The following MACROD2 variants were observed in gnomAD, a reference collection of about 807,000 sequenced individuals.
The protein encoded by MACROD2 is mono-ADP ribosylhydrolase 2, also known as ADP-ribose glycohydrolase MACROD2.
In MACROD2, 36 loss-of-function variants were observed where a neutral mutation model predicts 70.4. The ratio of observed to expected loss-of-function variants is 0.51; its 90% CI spans 0.39 to 0.68. The LOEUF (loss-of-function observed/expected upper bound fraction) is 0.68. MACROD2 is among the 30% of genes least tolerant of loss of function. The pLI, the probability that MACROD2 is intolerant of heterozygous loss-of-function variation, is 0.00. For missense variants in MACROD2, 496 were observed against 538.4 expected (o/e 0.92, Z 0.78); for synonymous variants, 172 against 178.8 (o/e 0.96, Z 0.30).
At chr20:15,435,973 C>T (rs1022148981) in intron 7 of MACROD2, among the ~76,000 whole-genome samples, 2 of 152,074 alleles carry the variant, frequency 1.3e-5, no homozygotes, top group Non-Finnish European at 2.9e-5. Context: ...GTCTCTTTCT[C>T]CTCTGTTTTT....
chr20:14,687,055 G>C (rs1376084353), intron 5 of MACROD2, among the ~76,000 whole-genome samples: 1 of 152,010 alleles, frequency 6.6e-6, no homozygotes, highest in East Asian at 1.9e-4. Context: ...ACAAATATTG[G>C]TTCTTTTGCT....
chr20:14,145,860 T>C (rs1198976753), intron 3 of MACROD2, among the ~76,000 whole-genome samples: 1 of 152,206 alleles, frequency 6.6e-6, no homozygotes, highest in African/African-American at 2.4e-5. Context: ...ATTTGAACAG[T>C]TAATTAAAAT....
intron 5 of MACROD2, among the ~76,000 whole-genome samples, chr20:15,125,762 G>T (rs1012752540): frequency 2.6e-5 from 4 of 151,648 alleles, no homozygotes; most frequent in Non-Finnish European, 5.9e-5. Flanking sequence ...ACATTAAAAA[G>T]GTTATGAAAC....
intron 4 of MACROD2, among the ~76,000 whole-genome samples, chr20:14,635,085 G>T (rs2123479889): frequency 6.6e-6 from 1 of 152,302 alleles, no homozygotes; most frequent in Non-Finnish European, 1.5e-5. Flanking sequence ...TCTTCAAGGA[G>T]CGGTGTCCCT....
chr20:15,924,766 A>G (rs2065464170), intron 10 of MACROD2, among the ~76,000 whole-genome samples: 1 of 152,184 alleles, frequency 6.6e-6, no homozygotes, highest in South Asian at 2.1e-4. Flanking sequence ...ACATCTTTAT[A>G]TACTTTCCAT....
chr20:15,451,680 C>T lies in MACROD2; in HGVS notation c.571+20245C>T, dbSNP rs115841780. 5.4e-3 allele frequency among the ~76,000 whole-genome samples: 817 copies of T among 152,214 alleles called. 8 individuals are homozygous for T. Among genetic ancestry groups the T allele is most frequent in the African/African-American group, 0.019 (782 of 41,556 alleles). ...TGGCTGCAGCAAGGGGCACCCTACA[C>T]AGCAGGAAAGAAAAATGAGGCCTCA... On this transcript the variant is annotated intron_variant, in intron 7 of 17. Transcript: ENST00000684519.
In MACROD2 at chr20:15,149,619, G is replaced by C. The variant is rs1302692092; in HGVS notation, c.419-80321G>C. Among the ~76,000 whole-genome samples the C allele has an allele frequency of 6.6e-5, 10 of 152,106 alleles. No individual in the cohort carries two copies. In the East Asian group the frequency reaches 1.9e-3, roughly 29 times the overall value. ...GTGAGGAAGAAAATAGATTTTGGAA[G>C]TTATGAGAGCTGTAGAGAGTGAGTT... On this transcript the variant is annotated intron_variant, in intron 5 of 17. Transcript: ENST00000684519.
intron 6 of MACROD2, among the ~76,000 whole-genome samples, chr20:15,368,580 G>T (rs948551678): frequency 2.6e-5 from 4 of 151,086 alleles, no homozygotes; most frequent in Non-Finnish European, 1.5e-5. Context: ...TCCTGCCTTA[G>T]CCTCCGGAGT....
At chr20:14,959,368 G>T (rs1440766644) in intron 5 of MACROD2, among the ~76,000 whole-genome samples, 1 of 152,058 alleles carries the variant, frequency 6.6e-6, no homozygotes, top group Non-Finnish European at 1.5e-5. Context: ...GACCTCAGGT[G>T]ATCCACCCAC....
At chr20:15,550,538 T>C (rs866789429) in intron 8 of MACROD2, among the ~76,000 whole-genome samples, 36 of 152,156 alleles carry the variant, frequency 2.4e-4, no homozygotes, top group African/African-American at 8.2e-4. Flanking sequence ...ATATTTTTTA[T>C]TGTATCACTT....
chr20:15,821,661 C>T (rs2063939650), intron 8 of MACROD2, among the ~76,000 whole-genome samples: 1 of 152,294 alleles, frequency 6.6e-6, no homozygotes, highest in Middle Eastern at 3.4e-3. Flanking sequence ...TGACCATGTA[C>T]ACGCATCTTT....
intron 10 of MACROD2, among the ~76,000 whole-genome samples, chr20:15,902,715 C>A (rs576641666): frequency 6.6e-6 from 1 of 152,050 alleles, no homozygotes. Context: ...GCTGAGGCCC[C>A]CTGCTGGCAG....
intron 5 of MACROD2, among the ~76,000 whole-genome samples, chr20:14,992,781 A>G (rs1239100630): frequency 6.6e-6 from 1 of 152,162 alleles, no homozygotes; most frequent in Non-Finnish European, 1.5e-5. Flanking sequence ...TATATTGTGA[A>G]GTTCCTTTCT....
intron 6 of MACROD2, among the ~76,000 whole-genome samples, chr20:15,252,315 G>A (rs1298610865): frequency 6.6e-6 from 1 of 152,198 alleles, no homozygotes. Context: ...AGTCAGGATA[G>A]CCTAAGTCAT....
At chr20:15,402,796 A>C (rs2045948101) in intron 6 of MACROD2, among the ~76,000 whole-genome samples, 1 of 152,222 alleles carries the variant, frequency 6.6e-6, no homozygotes. Context: ...TGATTAAATA[A>C]GGCCTTCTGC....
In MACROD2 at chr20:16,044,593, C is replaced by G. The variant is rs1337787709; in HGVS notation, c.1254C>G (p.Asp418Glu). The G allele has an allele frequency of 1.2e-6, 2 of 1,609,914 alleles. No individual in the cohort carries two copies. Among genetic ancestry groups the G allele is most frequent in the Admixed American group, 1.7e-5 (1 of 59,622 alleles). The change falls in exon 17 of 18, where the codon GAC becomes GAG. Residue 418 changes from aspartate (D) to glutamate (E), a missense_variant. By Grantham distance (45) the Asp-to-Glu change is conservative (BLOSUM62 2). Transcript: ENST00000684519. Reference protein sequence around the residue: ...GPDVEMNSQVDKVNDPTESQQ... With the variant: ...GPDVEMNSQVEKVNDPTESQQ... ...CAGTTGAAATGAATAGTCAGGTTGA[C>G]AAGGTAAATGACCCAACAGAGAGTC... is the stretch of plus-strand genomic sequence containing the variant.
chr20:15,233,270 G>T (rs762130565), intron 6 of MACROD2, among the ~76,000 whole-genome samples: 20 of 152,096 alleles, frequency 1.3e-4, no homozygotes, highest in Non-Finnish European at 2.1e-4. Flanking sequence ...TTAATATGAA[G>T]AAATTTATCA....
chr20:15,105,044 A>G (rs2075900567), intron 5 of MACROD2, among the ~76,000 whole-genome samples: 1 of 152,160 alleles, frequency 6.6e-6, no homozygotes, highest in Non-Finnish European at 1.5e-5. Flanking sequence ...GTCCAAGTAA[A>G]CTGAAGAAGA....
chr20:14,270,604 G>T (rs971585992), intron 3 of MACROD2, among the ~76,000 whole-genome samples: 1 of 126,156 alleles, frequency 7.9e-6, no homozygotes, highest in East Asian at 2.2e-4. Context: ...AAAAAAAAAA[G>T]GTTTTCAAGA....
Sources: gnomAD v4.1 joint callset for allele counts (sites outside exome capture counted in the v4.1 genomes callset) on GRCh38, gnomAD v4.1.1 for gene constraint, MANE v1.5 for transcripts, NCBI Gene and HGNC (gene_info 2026-07-23, HGNC 2026-07-21) for gene names.